The following EEFSEC variants were observed in gnomAD, a reference collection of about 807,000 sequenced individuals.
EEFSEC encodes selenocysteine-specific elongation factor.
Under a neutral mutation model 42.1 loss-of-function variants are expected in EEFSEC, and 43 were observed. The ratio of observed to expected loss-of-function variants is 1.02; its 90% CI spans 0.80 to 1.32. The LOEUF is 1.32. Among genes scored for constraint, EEFSEC ranks in the 40% most tolerant of loss-of-function variants. The pLI is 0.00. For synonymous variants in EEFSEC, 354 were observed against 339.1 expected (o/e 1.04, Z -0.48); for missense variants, 745 against 803.6 (o/e 0.93, Z 0.88).
Position 128,179,591 on chromosome 3 carries a change from G to A in EEFSEC, c.316+25768G>A, listed in dbSNP as rs1052207760. On this transcript the variant is annotated intron_variant, in intron 1 of 6. Transcript: ENST00000254730. ...AGAGATGGTAGGCTGTGTTTACCTC[G>A]TTGTCCGAAGGCTGCTCAGACTTTA... Among the ~76,000 whole-genome samples, 4 of 152,218 alleles carry A rather than the reference G, an allele frequency of 2.6e-5. No individual in the cohort carries two copies. In the East Asian group the frequency reaches 5.8e-4, roughly 22 times the overall value.
intron 4 of EEFSEC, among the ~76,000 whole-genome samples, chr3:128,335,366 G>T (rs958014191): frequency 2.0e-5 from 3 of 152,164 alleles, no homozygotes; most frequent in Non-Finnish European, 2.9e-5. Flanking sequence ...CTCTTGCTGG[G>T]TGGGGTGACT....
intron 2 of EEFSEC, among the ~76,000 whole-genome samples, chr3:128,259,358 T>G (rs1379012970): frequency 6.6e-6 from 1 of 152,230 alleles, no homozygotes; most frequent in South Asian, 2.1e-4. Flanking sequence ...ATTGTATGGC[T>G]TACTTATTAA....
chr3:128,365,581 C>A (rs1208562764), intron 6 of EEFSEC, among the ~76,000 whole-genome samples: 1 of 152,098 alleles, frequency 6.6e-6, no homozygotes, highest in Admixed American at 6.5e-5. Context: ...TGCACCCACC[C>A]CTCACCTGCC....
intron 4 of EEFSEC, among the ~76,000 whole-genome samples, chr3:128,309,871 G>C (rs1245603157): frequency 6.6e-6 from 1 of 152,220 alleles, no homozygotes; most frequent in African/African-American, 2.4e-5. Flanking sequence ...TCCTGACCTA[G>C]CCTGGCTTGG....
chr3:128,304,109 TG>T (rs1292084917), intron 4 of EEFSEC, among the ~76,000 whole-genome samples: 2 of 151,546 alleles, frequency 1.3e-5, no homozygotes, highest in Non-Finnish European at 2.9e-5. Flanking sequence ...GGCTAGTCCC[TG>T]CCTCTCAACC....
At chr3:128,309,642 A>G (rs892130689) in intron 4 of EEFSEC, among the ~76,000 whole-genome samples, 1 of 152,246 alleles carries the variant, frequency 6.6e-6, no homozygotes, top group Non-Finnish European at 1.5e-5. Flanking sequence ...GGATGCTGGC[A>G]GAGGGTGAAA....
rs1344079011 is a variant in EEFSEC at position 128,358,189 on chromosome 3, C to G, written c.1444-28C>G. On this transcript the variant is annotated intron_variant, in intron 5 of 6. Transcript: ENST00000254730. ...TTTCAGTGTGCACCACTAATGCCCT[C>G]TCTCTGTGGCTGGGTGTGTGGGGAC... 3.1e-6 allele frequency: 5 copies of G among 1,610,190 alleles called. No individual in the cohort carries two copies. The African/African-American group carries it at 5.3e-5, about 17-fold the overall frequency.
chr3:128,156,633 C>A (rs1271639048), intron 1 of EEFSEC, among the ~76,000 whole-genome samples: 1 of 152,236 alleles, frequency 6.6e-6, no homozygotes, highest in Non-Finnish European at 1.5e-5. Context: ...CATTTCACTT[C>A]ATTTCAAACA....
chr3:128,423,685 G>A, the EEFSEC span, among the ~76,000 whole-genome samples: 1 of 152,182 alleles, frequency 6.6e-6, no homozygotes, highest in African/African-American at 2.4e-5. Context: ...GCAGGAAGTG[G>A]GGAGTGACTG....
chr3:128,354,991 G>A (rs2003646), intron 5 of EEFSEC, among the ~76,000 whole-genome samples: 3,862 of 152,290 alleles, frequency 0.025, 190 homozygotes, highest in African/African-American at 0.087. Flanking sequence ...AAACTAGCCC[G>A]GGCTGGGCTG....
At chr3:128,359,777 G>A (rs1187590656) in intron 6 of EEFSEC, among the ~76,000 whole-genome samples, 1 of 152,228 alleles carries the variant, frequency 6.6e-6, no homozygotes, top group African/African-American at 2.4e-5. Flanking sequence ...CTGTGGGGAG[G>A]TTTGGATCAG....
intron 3 of EEFSEC, among the ~76,000 whole-genome samples, chr3:128,264,399 G>A (rs1353785372): frequency 6.6e-6 from 1 of 152,204 alleles, no homozygotes; most frequent in Non-Finnish European, 1.5e-5. Flanking sequence ...CCTTCAGACT[G>A]AGCGGAAAGA....
At chr3:128,389,085 G>C (rs1020632045) in intron 6 of EEFSEC, among the ~76,000 whole-genome samples, 2 of 152,228 alleles carry the variant, frequency 1.3e-5, no homozygotes, top group Non-Finnish European at 2.9e-5. Context: ...GCCCTGGGCC[G>C]AGGCAGCCTG....
the EEFSEC span, among the ~76,000 whole-genome samples, chr3:128,418,835 C>T: frequency 6.6e-6 from 1 of 152,290 alleles, no homozygotes; most frequent in African/African-American, 2.4e-5. Flanking sequence ...GGTTGGTCAC[C>T]CCTCAACTTA....
At chr3:128,195,496 C>T (rs1183653768) in intron 1 of EEFSEC, among the ~76,000 whole-genome samples, 1 of 152,202 alleles carries the variant, frequency 6.6e-6, no homozygotes, top group African/African-American at 2.4e-5. Flanking sequence ...TAAAAGGACA[C>T]TCCAAAGCCA....
chr3:128,372,494 G>A (rs1002294437), intron 6 of EEFSEC, among the ~76,000 whole-genome samples: 3 of 152,176 alleles, frequency 2.0e-5, no homozygotes, highest in South Asian at 2.1e-4. Flanking sequence ...GTTCAGAGAC[G>A]CTTGGTCATC....
chr3:128,316,280 C>A (rs539399323), intron 4 of EEFSEC, among the ~76,000 whole-genome samples: 2 of 152,348 alleles, frequency 1.3e-5, no homozygotes, highest in South Asian at 4.1e-4. Flanking sequence ...TGTGTTCTTT[C>A]ACCCTTTTTT....
chr3:128,345,087 C>T (rs1301559521), intron 5 of EEFSEC, among the ~76,000 whole-genome samples: 7 of 152,168 alleles, frequency 4.6e-5, no homozygotes, highest in Non-Finnish European at 8.8e-5. Context: ...AGCCTTACCA[C>T]CTGCTAGTGT....
intron 6 of EEFSEC, among the ~76,000 whole-genome samples, chr3:128,400,850 G>A (rs1441116833): frequency 6.6e-6 from 1 of 152,198 alleles, no homozygotes; most frequent in Non-Finnish European, 1.5e-5. Flanking sequence ...GCCAGGACCC[G>A]GCAGCCTGCA....
Sources: allele counts gnomAD v4.1 joint callset (sites outside exome capture counted in the v4.1 genomes callset), GRCh38; gene constraint gnomAD v4.1.1; transcripts MANE v1.5; gene names NCBI Gene and HGNC (gene_info 2026-07-23, HGNC 2026-07-21).